The following GPR173 variants were observed in gnomAD, a reference collection of about 807,000 sequenced individuals.
GPR173 encodes the protein probable G protein-coupled receptor 173.
In GPR173, 2 loss-of-function variants were observed where a neutral mutation model predicts 13.9. That is an observed-to-expected ratio of 0.14 (90% CI 0.06 to 0.45). The LOEUF is 0.45. GPR173 is among the 20% of genes least tolerant of loss of function. The pLI, the probability that GPR173 is intolerant of heterozygous loss-of-function variation, is 0.98. For missense variants in GPR173, 202 were observed against 340.5 expected (o/e 0.59, Z 3.20); for synonymous variants, 131 against 141.0 (o/e 0.93, Z 0.50).
At chrX:53,062,270 A>G (rs1932136432) in intron 1 of GPR173, among the ~76,000 whole-genome samples, 1 of 110,551 alleles carries the variant, frequency 9.0e-6, no homozygotes, top group Admixed American at 9.7e-5. Flanking sequence ...TCTAAAATAG[A>G]TTAATTCCAT....
At chrX:53,060,941 C>CTAT (rs1932116805) in intron 1 of GPR173, among the ~76,000 whole-genome samples, 1 of 72,038 alleles carries the variant, frequency 1.4e-5, no homozygotes, top group Non-Finnish European at 2.7e-5. Context: ...CAGACACTTC[C>CTAT]AGAGGAGGAT....
intron 1 of GPR173, among the ~76,000 whole-genome samples, chrX:53,068,763 T>TATAAATAAATAAATAA (rs782084081): frequency 0.031 from 2,967 of 96,426 alleles, 117 homozygotes; most frequent in African/African-American, 0.09. Flanking sequence ...CGAGACCCTG[T>TATAAATAAATAAATAA]ATAAATAAAT....
chrX:53,050,278 G>A (rs1174928636), intron 1 of GPR173, among the ~76,000 whole-genome samples: 1 of 111,611 alleles, frequency 9.0e-6, no homozygotes, highest in Non-Finnish European at 1.9e-5. Context: ...ACAACCTGCA[G>A]GGGCCAGGAA....
intron 1 of GPR173, among the ~76,000 whole-genome samples, chrX:53,052,388 G>A (rs782006005): frequency 9.0e-6 from 1 of 111,266 alleles, no homozygotes; most frequent in Non-Finnish European, 1.9e-5. Context: ...GCATGAGTAG[G>A]TACTTGGGTG....
At chrX:53,060,017 T>C (rs1304582279) in intron 1 of GPR173, among the ~76,000 whole-genome samples, 3 of 99,393 alleles carry the variant, frequency 3.0e-5, no homozygotes, top group Admixed American at 1.1e-4. Flanking sequence ...GTGTATATTA[T>C]ATATATATAT....
chrX:53,061,012 A>T (rs782688019), intron 1 of GPR173, among the ~76,000 whole-genome samples: 30 of 107,350 alleles, frequency 2.8e-4, no homozygotes, highest in Non-Finnish European at 1.3e-4. Context: ...TCAGGTCAGG[A>T]GATCGAGACC....
At chrX:53,072,727 G>A (rs1343086938) in intron 1 of GPR173, among the ~76,000 whole-genome samples, 5 of 110,943 alleles carry the variant, frequency 4.5e-5, no homozygotes, top group Admixed American at 2.0e-4. Context: ...GAGAGAAAGA[G>A]AAAGAGAGAG....
intron 1 of GPR173, among the ~76,000 whole-genome samples, chrX:53,060,989 A>G (rs1017940492): frequency 1.0e-4 from 11 of 106,792 alleles, no homozygotes; most frequent in Admixed American, 4.0e-4. Flanking sequence ...CTAACTGTAT[A>G]CCATTTTGTA....
chrX:53,057,479 C>A (rs1405246267), intron 1 of GPR173, among the ~76,000 whole-genome samples: 1 of 105,541 alleles, frequency 9.5e-6, no homozygotes, highest in African/African-American at 3.5e-5. Flanking sequence ...TGGCTCACAC[C>A]TGTAATCCCA....
intron 1 of GPR173, among the ~76,000 whole-genome samples, chrX:53,059,913 C>T (rs1288742841): frequency 9.5e-6 from 1 of 105,061 alleles, no homozygotes; most frequent in Non-Finnish European, 1.9e-5. Context: ...CCCTTGAGCC[C>T]GGAGTTCAAG....
At position 53,049,261 on chromosome X, in the gene GPR173, T is replaced by TC. The variant is rs1354022504; in HGVS notation, c.-317dup. On this transcript the variant is annotated 5_prime_UTR_variant, in exon 1 of 2. The change abolishes the stop of an existing upstream ORF in the 5' untranslated region. Coordinates refer to ENST00000332582, the MANE Select transcript of GPR173 (RefSeq NM_018969.6). ...AGGCTGTGTGCTGCCCACCTGGTGT[T>TC]CCCCAACACCCCCAGCCCTACCCAG... is the stretch of plus-strand genomic sequence containing the variant. The TC allele has an allele frequency of 9.0e-6, 1 of 111,563 alleles. No homozygotes were observed. The highest frequency in any genetic ancestry group is 1.9e-5 in the Non-Finnish European group (1 of 53,031). The allele number at this position is 111,563 out of a possible 1,213,427, so 9.2% of individuals were successfully genotyped here.
At chrX:53,074,720 T>C (rs1438283417) in intron 1 of GPR173, among the ~76,000 whole-genome samples, 1 of 92,055 alleles carries the variant, frequency 1.1e-5, no homozygotes, top group Non-Finnish European at 2.0e-5. Flanking sequence ...TTTATATTTA[T>C]TTATTTGTAT....
intron 1 of GPR173, among the ~76,000 whole-genome samples, chrX:53,067,558 G>T (rs1157241947): frequency 8.9e-6 from 1 of 112,180 alleles, no homozygotes; most frequent in Non-Finnish European, 1.9e-5. Context: ...GGGCGCGGTG[G>T]CTCACGCCTG....
rs782436092 is a variant in GPR173 at position 53,049,058 on chromosome X, A to AGG, written c.-516_-515dup. 11 of 31,086 alleles carry AGG rather than the reference A, an allele frequency of 3.5e-4. No individual in the cohort carries two copies. Among genetic ancestry groups the AGG allele is most frequent in the Middle Eastern group, 0.019 (1 of 52 alleles). 2.6% of individuals were successfully genotyped at this position (31,086 alleles called of 1,213,427 possible). ...AAGGCGGCGGCCAGCAGGCAGACGG[A>AGG]GGGGGGGGGTGGGGGGTGGGGGGGG... On this transcript the variant is annotated 5_prime_UTR_variant, in exon 1 of 2. Transcript: ENST00000332582.
intron 1 of GPR173, among the ~76,000 whole-genome samples, chrX:53,050,058 T>TTTCCTTCC (rs1299044404): frequency 1.8e-5 from 2 of 109,359 alleles, no homozygotes; most frequent in African/African-American, 6.7e-5. Flanking sequence ...TCTTTCCTCC[T>TTTCCTTCC]TTCCTTCCTT....
At chrX:53,059,061 A>T (rs1208478095) in intron 1 of GPR173, among the ~76,000 whole-genome samples, 1 of 107,252 alleles carries the variant, frequency 9.3e-6, no homozygotes, top group Non-Finnish European at 1.9e-5. Flanking sequence ...CATCCTGGCT[A>T]ACATGGTGAA....
At chrX:53,056,512 G>A (rs1932042446) in intron 1 of GPR173, among the ~76,000 whole-genome samples, 1 of 110,682 alleles carries the variant, frequency 9.0e-6, no homozygotes, top group African/African-American at 3.3e-5. Context: ...GGGTGTGTGT[G>A]TGAGTGTGAG....
intron 1 of GPR173, among the ~76,000 whole-genome samples, chrX:53,053,315 G>T (rs1931988457): frequency 8.9e-6 from 1 of 112,731 alleles, no homozygotes; most frequent in Non-Finnish European, 1.9e-5. Context: ...GGGTGTGTGT[G>T]TGCACACATT....
chrX:53,065,816 CA>C (rs1932176999), intron 1 of GPR173, among the ~76,000 whole-genome samples: 1 of 111,879 alleles, frequency 8.9e-6, no homozygotes, highest in African/African-American at 3.3e-5. Context: ...GTAACAAATG[CA>C]GGCCAGGTGC....
Sources: gnomAD v4.1 joint callset for allele counts (sites outside exome capture counted in the v4.1 genomes callset) on GRCh38, gnomAD v4.1.1 for gene constraint, MANE v1.5 for transcripts, NCBI Gene and HGNC (gene_info 2026-07-23, HGNC 2026-07-21) for gene names.